The following TXLNB variants were observed in gnomAD, a reference collection of about 807,000 sequenced individuals.
The protein encoded by TXLNB is taxilin beta.
TXLNB carries 37 observed loss-of-function variants against 57.4 expected under a neutral mutation model. That is an observed-to-expected ratio of 0.64 (90% CI 0.50 to 0.85). The LOEUF is 0.85. Among genes scored for constraint, TXLNB ranks in the 40% least tolerant of loss-of-function variants. TXLNB has a pLI of 0.00. For synonymous variants in TXLNB, 302 were observed against 309.6 expected (o/e 0.98, Z 0.26); for missense variants, 848 against 825.6 (o/e 1.03, Z -0.33).
At chr6:139,299,138 G>A in the TXLNB span, among the ~76,000 whole-genome samples, 17 of 152,180 alleles carry the variant, frequency 1.1e-4, no homozygotes, top group Non-Finnish European at 4.4e-5. Flanking sequence ...GACAATCTGT[G>A]TTGCCATTGG....
the TXLNB span, among the ~76,000 whole-genome samples, chr6:139,215,160 G>A: frequency 3.6e-4 from 54 of 152,024 alleles, 1 homozygote; most frequent in African/African-American, 1.2e-3. Context: ...AAAAAAGCCC[G>A]CATTGCCAAG....
the TXLNB span, chr6:139,177,311 G>A: frequency 2.4e-6 from 1 of 417,008 alleles, no homozygotes; most frequent in South Asian, 5.0e-5. This position sits in a 1 kb window ranked among gnomAD's most constrained non-coding sequence, Gnocchi z 4.9. Context: ...AGCCCAGATG[G>A]GTAATCCTGT....
the TXLNB span, among the ~76,000 whole-genome samples, chr6:139,322,531 C>A: frequency 4.9e-4 from 74 of 152,304 alleles, no homozygotes; most frequent in African/African-American, 1.6e-3. Context: ...CAGTCTTCCC[C>A]ATTATAGAAA....
Position 139,243,197 on chromosome 6 carries a change from C to A in TXLNB, c.1384G>T (p.Glu462Ter). 1 of 1,614,158 alleles carries A rather than the reference C, an allele frequency of 6.2e-7. No individual in the cohort carries two copies. The highest frequency in any genetic ancestry group is 8.5e-7 in the Non-Finnish European group (1 of 1,180,036). The change falls in exon 10 of 10, where the codon GAA becomes TAA. Residue 462 changes from glutamate to a stop codon, truncating the protein, a stop_gained. Transcript: ENST00000358430. LOFTEE classifies it low-confidence loss of function (END_TRUNC). ...NELHKKIRDAEISEKDDQSQH... is the reference protein window; with the variant it reads ...NELHKKIRDA Reference sequence around the variant, plus strand: ...CTTTGGTCATCCTTTTCAGATATTTCTGCGTCTCTGATTTTTTTGTGGAGT... The same window carrying A: ...CTTTGGTCATCCTTTTCAGATATTTATGCGTCTCTGATTTTTTTGTGGAGT...
chr6:139,270,899 A>G lies in TXLNB; in HGVS notation c.517-273T>C, dbSNP rs191827847. On this transcript the variant is annotated intron_variant, in intron 3 of 9. Transcript: ENST00000358430. ...GGATGGTCTAGAAATATTTTTCCTG[A>G]GTCTATCTAACCAATATTGAATAGC... Among the ~76,000 whole-genome samples the G allele has an allele frequency of 1.6e-4, 25 of 152,124 alleles. 1 individual carries two copies. The highest frequency in any genetic ancestry group is 3.2e-3 in the Middle Eastern group (1 of 316).
chr6:139,264,706 C>T (rs989866293), intron 4 of TXLNB, among the ~76,000 whole-genome samples: 8 of 152,010 alleles, frequency 5.3e-5, no homozygotes, highest in Non-Finnish European at 8.8e-5. Context: ...ATTACAGGCA[C>T]GCATCACCAA....
the TXLNB span, chr6:139,167,346 G>T: frequency 1.3e-6 from 2 of 1,505,218 alleles, no homozygotes; most frequent in Non-Finnish European, 1.8e-6. Flanking sequence ...AATTCACCTT[G>T]CCTGCTTTCT....
At chr6:139,192,664 G>T in the TXLNB span, among the ~76,000 whole-genome samples, 5 of 152,152 alleles carry the variant, frequency 3.3e-5, no homozygotes, top group Admixed American at 2.0e-4. Context: ...ACTGTTGTGG[G>T]TCGGGCATGA....
intron 4 of TXLNB, among the ~76,000 whole-genome samples, chr6:139,269,403 C>T (rs537371006): frequency 4.0e-4 from 61 of 152,308 alleles, no homozygotes; most frequent in African/African-American, 1.4e-3. Context: ...GAGTTGAGGA[C>T]GATGCTTCCA....
In TXLNB at chr6:139,263,837, A is replaced by T. The variant is rs1021076016; in HGVS notation, c.688-1064T>A. On this transcript the variant is annotated intron_variant, in intron 4 of 9. Coordinates refer to ENST00000358430, the MANE Select transcript of TXLNB (RefSeq NM_153235.4). ...TGCTTCGTTGTTGGCAAGTAAAATTATACTGAATTTGATTGCCTACCAAGT... is the reference window on the plus strand; with the variant it reads ...TGCTTCGTTGTTGGCAAGTAAAATTTTACTGAATTTGATTGCCTACCAAGT... 3.9e-5 allele frequency among the ~76,000 whole-genome samples: 6 copies of T among 152,356 alleles called. No individual in the cohort carries two copies. In the South Asian group the frequency reaches 1.2e-3, roughly 32 times the overall value.
intron 2 of TXLNB, among the ~76,000 whole-genome samples, chr6:139,281,430 G>A (rs559735318): frequency 6.6e-5 from 10 of 151,136 alleles, no homozygotes; most frequent in Admixed American, 5.3e-4. Flanking sequence ...TTTCTTGTCA[G>A]ATTTTGTTCC....
the TXLNB span, chr6:139,167,405 G>GAAAACTACACCAAAA: frequency 8.3e-7 from 1 of 1,203,742 alleles, no homozygotes; most frequent in Non-Finnish European, 1.2e-6. Context: ...CTATTTTGGT[G>GAAAACTACACCAAAA]TAGTTTTCAC....
the TXLNB span, chr6:139,177,618 C>CTGA: frequency 3.3e-5 from 5 of 152,734 alleles, no homozygotes; most frequent in Admixed American, 3.3e-4. This position sits in a 1 kb window ranked among gnomAD's most constrained non-coding sequence, Gnocchi z 4.9. Context: ...TTTACTCACA[C>CTGA]TGACAGGTGA....
At chr6:139,301,143 G>A in the TXLNB span, among the ~76,000 whole-genome samples, 1 of 152,154 alleles carries the variant, frequency 6.6e-6, no homozygotes, top group African/African-American at 2.4e-5. Context: ...GGAACATAGA[G>A]TTCCTAGACT....
chr6:139,269,166 A>G (rs1368785133), intron 4 of TXLNB: 1 of 152,214 alleles, frequency 6.6e-6, no homozygotes, highest in East Asian at 1.9e-4. Flanking sequence ...TGGGCTTCCA[A>G]AATGCTAGGA....
the TXLNB span, among the ~76,000 whole-genome samples, chr6:139,193,809 A>G: frequency 2.2e-5 from 3 of 136,576 alleles, no homozygotes; most frequent in Non-Finnish European, 4.7e-5. Flanking sequence ...GCACACCACC[A>G]TGCCTGGCTA....
upstream of TXLNB, among the ~76,000 whole-genome samples, chr6:139,296,924 C>A (rs937832125): frequency 2.6e-5 from 4 of 152,120 alleles, no homozygotes; most frequent in Admixed American, 2.6e-4. Context: ...AAGCCAACAG[C>A]CAACAAACCA....
rs1777146225 is a variant in TXLNB at position 139,285,296 on chromosome 6, ACACACACACC to A, written c.424+3170_424+3179del. On this transcript the variant is annotated intron_variant, in intron 2 of 9. Transcript: ENST00000358430. Reference sequence around the variant, plus strand: ...CACACACACACACACACACACACACACACACACACCCCAATTCTTATGTAAAAGTTTTAGG... The same window carrying A: ...CACACACACACACACACACACACACACCAATTCTTATGTAAAAGTTTTAGG... Among the ~76,000 whole-genome samples the A allele has an allele frequency of 5.9e-5, 8 of 135,136 alleles. 1 individual carries two copies. In the South Asian group the frequency reaches 2.0e-3, roughly 34 times the overall value. The allele number at this position is 135,136 out of a possible 152,430, so 88.7% of individuals were successfully genotyped here. A position where few individuals can be genotyped will look rare whatever the true frequency, so the allele number is the denominator to read the frequency against.
the TXLNB span, among the ~76,000 whole-genome samples, chr6:139,304,056 TC>T: frequency 1.3e-5 from 2 of 152,148 alleles, no homozygotes; most frequent in Non-Finnish European, 2.9e-5. Context: ...CAAAGTTGTA[TC>T]ATTAAGAATT....
Sources: gnomAD v4.1 joint callset for allele counts (sites outside exome capture counted in the v4.1 genomes callset) on GRCh38, gnomAD v4.1.1 for gene constraint, Gnocchi (gnomAD v3.1) non-coding constraint, MANE v1.5 for transcripts, NCBI Gene and HGNC (gene_info 2026-07-23, HGNC 2026-07-21) for gene names.